The following HADHA variants were observed in gnomAD, a reference collection of about 807,000 sequenced individuals.
HADHA encodes hydroxyacyl-CoA dehydrogenase trifunctional multienzyme complex subunit alpha, also known as trifunctional enzyme subunit alpha, mitochondrial.
HADHA carries 59 observed loss-of-function variants against 91.3 expected under a neutral mutation model. That is an observed-to-expected ratio of 0.65 (90% confidence interval 0.52 to 0.80). The LOEUF is 0.80. Ranked by LOEUF, HADHA falls within the 30% of genes least tolerant of loss-of-function variation. HADHA has a pLI of 0.00. For synonymous variants in HADHA, 320 were observed against 338.9 expected (o/e 0.94, Z 0.61); for missense variants, 800 against 927.6 (o/e 0.86, Z 1.79).
chr2:26,207,757 T>G (rs1009429989), intron 11 of HADHA, among the ~76,000 whole-genome samples: 1 of 152,246 alleles, frequency 6.6e-6, no homozygotes, highest in Non-Finnish European at 1.5e-5. Flanking sequence ...GTCTGTATAC[T>G]AATTTGTAGC....
At chr2:26,215,803 G>A (rs1365934779) in intron 7 of HADHA, among the ~76,000 whole-genome samples, 1 of 152,226 alleles carries the variant, frequency 6.6e-6, no homozygotes, top group Admixed American at 6.5e-5. Flanking sequence ...GTCTAAGATG[G>A]TACACAAGGA....
At chr2:26,219,588 T>C (rs1166841433) in intron 7 of HADHA, among the ~76,000 whole-genome samples, 1 of 152,184 alleles carries the variant, frequency 6.6e-6, no homozygotes, top group Non-Finnish European at 1.5e-5. Context: ...TGCTTCTCTT[T>C]GTAGGTCAGA....
intron 4 of HADHA, among the ~76,000 whole-genome samples, chr2:26,234,623 G>A (rs989143973): frequency 6.6e-6 from 1 of 152,072 alleles, no homozygotes; most frequent in Non-Finnish European, 1.5e-5. Flanking sequence ...AAAATTAGCT[G>A]GGCATAGTGG....
intron 3 of HADHA, 28 bp from the exon 4 acceptor site, chr2:26,237,016 G>A (rs1195105674): frequency 6.3e-7 from 1 of 1,576,692 alleles, no homozygotes; most frequent in Non-Finnish European, 8.7e-7. Flanking sequence ...ATACAGGTAA[G>A]GGTTTAAATT....
At position 26,214,196 on chromosome 2, in the gene HADHA, G is replaced by C. The variant is rs1670164218; in HGVS notation, c.918+247C>G. Reference sequence around the variant, plus strand: ...ACTTAGGTTCCTTTCCTGGTTTTCTGGTTTGTTACTGATACATTTAACTGC... The same window carrying C: ...ACTTAGGTTCCTTTCCTGGTTTTCTCGTTTGTTACTGATACATTTAACTGC... On this transcript the variant is annotated intron_variant, in intron 9 of 19. Transcript: ENST00000380649. The surrounding 1 kb of genome is among the most constrained non-coding windows in gnomAD (Gnocchi z 4.1). Among the ~76,000 whole-genome samples the C allele has an allele frequency of 6.6e-6, 1 of 152,134 alleles. No individual in the cohort carries two copies.
intron 10 of HADHA, chr2:26,212,153 C>T: frequency 4.2e-6 from 1 of 237,686 alleles, no homozygotes; most frequent in Non-Finnish European, 8.4e-6. Flanking sequence ...TGCGATCTTA[C>T]TTAGCTCACT....
At chr2:26,201,050 T>TA in intron 13 of HADHA, 99 bp downstream of exon 13, 1 of 912,382 alleles carries the variant, frequency 1.1e-6, no homozygotes, top group East Asian at 2.5e-5. Context: ...GTCCTTTTTA[T>TA]AAAAGCAATC....
At chr2:26,226,599 G>A (rs1670490757) in intron 7 of HADHA, among the ~76,000 whole-genome samples, 1 of 152,144 alleles carries the variant, frequency 6.6e-6, no homozygotes, top group Non-Finnish European at 1.5e-5. Flanking sequence ...AATGGTGCCA[G>A]GACATTTGGA....
chr2:26,239,253 T>C (rs1670836055), intron 1 of HADHA, 110 bp from the exon 2 acceptor site: 2 of 801,676 alleles, frequency 2.5e-6, no homozygotes, highest in African/African-American at 1.7e-5. Context: ...ACCCCAAATC[T>C]GTACAATGTA....
intron 7 of HADHA, among the ~76,000 whole-genome samples, chr2:26,228,327 C>T (rs527762128): frequency 3.3e-5 from 5 of 152,110 alleles, no homozygotes; most frequent in Admixed American, 2.0e-4. Flanking sequence ...GATGGGGTTT[C>T]GCCATGTTGG....
intron 7 of HADHA, among the ~76,000 whole-genome samples, chr2:26,225,809 G>A (rs1670472397): frequency 6.6e-6 from 1 of 152,138 alleles, no homozygotes; most frequent in Non-Finnish European, 1.5e-5. Context: ...TTGTTCTCAT[G>A]ACTTCTATCC....
chr2:26,202,814 G>A lies in HADHA; in HGVS notation c.1220+1248C>T, dbSNP rs541382043. Among the ~76,000 whole-genome samples the A allele has an allele frequency of 1.1e-4, 16 of 152,364 alleles. No homozygotes were observed. In the South Asian group the frequency reaches 3.3e-3, roughly 32 times the overall value. ...TTTGTTTTTGACAATCATGACAGCA[G>A]TCAGCAAACAAGATACTTGTCAGCA... On this transcript the variant is annotated intron_variant, in intron 12 of 19. Transcript: ENST00000380649.
Position 26,194,529 on chromosome 2 carries a change from G to C in HADHA, c.1689+41C>G, listed in dbSNP as rs180922886. On this transcript the variant is annotated intron_variant, in intron 16 of 19. Coordinates refer to ENST00000380649, the MANE Select transcript of HADHA (RefSeq NM_000182.5). Reference sequence around the variant, plus strand: ...ATCATGAGTTTTAGAGTGACTGAAGGAGTGGAAGATGCCGCAAACACTCTG... The same window carrying C: ...ATCATGAGTTTTAGAGTGACTGAAGCAGTGGAAGATGCCGCAAACACTCTG... 9.4e-5 allele frequency: 108 copies of C among 1,144,468 alleles called. 3 individuals carry two copies. In the Admixed American group the frequency reaches 1.7e-3, roughly 18 times the overall value. 70.9% of individuals were successfully genotyped at this position (1,144,468 alleles called of 1,614,324 possible).
At position 26,244,547 on chromosome 2, in the gene HADHA, C is replaced by A; in HGVS notation, c.50G>T (p.Arg17Met). 2 of 1,586,218 alleles carry A rather than the reference C, an allele frequency of 1.3e-6. No individual in the cohort carries two copies. The highest frequency in any genetic ancestry group is 2.3e-5 in the East Asian group (1 of 43,368). The change falls in exon 1 of 20, where the codon AGG becomes ATG. Residue 17 changes from arginine to methionine, a missense_variant. Arg to Met is a moderately conservative substitution (Grantham distance 91, BLOSUM62 -1). Transcript: ENST00000380649. ...IGILSRFSAF[R>M]ILRSRGYICR... ...GGCCTCACCTCGGGAGCGGAGGATC[C>A]TGAAGGCAGAAAAGCGGCTGAGGAT...
chr2:26,216,672 CA>C (rs1163710507), intron 7 of HADHA, among the ~76,000 whole-genome samples: 1 of 151,970 alleles, frequency 6.6e-6, no homozygotes, highest in African/African-American at 2.4e-5. Context: ...TAACTAAGCC[CA>C]AAACTTTGGA....
At chr2:26,230,322 AG>A in intron 6 of HADHA, 28 bp from the exon 7 acceptor site, 1 of 1,311,982 alleles carries the variant, frequency 7.6e-7, no homozygotes, top group Non-Finnish European at 1.1e-6. Context: ...ATGAGAATAT[AG>A]GGGGAAAAAA....
intron 7 of HADHA, among the ~76,000 whole-genome samples, chr2:26,220,382 A>G (rs1393994394): frequency 6.6e-6 from 1 of 152,218 alleles, no homozygotes. Flanking sequence ...AACTGCCTCT[A>G]CCTAGAAAAG....
At chr2:26,218,027 C>T (rs1000716779) in intron 7 of HADHA, among the ~76,000 whole-genome samples, 5 of 152,060 alleles carry the variant, frequency 3.3e-5, no homozygotes, top group South Asian at 4.1e-4. Context: ...AAACATTAGC[C>T]GGCCAGGTGT....
At position 26,193,550 on chromosome 2, in the gene HADHA, T is replaced by C. The variant is rs145512126; in HGVS notation, c.1885+27A>G. On this transcript the variant is annotated intron_variant, in intron 17 of 19. Transcript: ENST00000380649. ...CTTAGAACTTTGTAACTAATGGTGC[T>C]AGTTATGTTTCCTTGAGGCTACTCA... The C allele has an allele frequency of 6.7e-5, 104 of 1,557,414 alleles. No individual in the cohort carries two copies. In the African/African-American group the frequency reaches 1.3e-3, roughly 20 times the overall value.
Sources: allele counts gnomAD v4.1 joint callset (sites outside exome capture counted in the v4.1 genomes callset), GRCh38; gene constraint gnomAD v4.1.1; non-coding constraint Gnocchi (gnomAD v3.1); transcripts MANE v1.5; gene names NCBI Gene and HGNC (gene_info 2026-07-23, HGNC 2026-07-21).